Variants in PCDHGA2 observed in about 807,000 individuals in gnomAD.
The protein encoded by PCDHGA2 is protocadherin gamma subfamily A, 2.
Under a neutral mutation model 59.2 loss-of-function variants are expected in PCDHGA2, and 40 were observed. The ratio of observed to expected loss-of-function variants is 0.68; its 90% CI spans 0.52 to 0.88. The LOEUF is 0.88. Among genes scored for constraint, PCDHGA2 ranks in the 40% least tolerant of loss-of-function variants. The pLI, the probability that PCDHGA2 is intolerant of heterozygous loss-of-function variation, is 0.00. For missense variants in PCDHGA2, 1,226 were observed against 1,204.0 expected (o/e 1.02, Z -0.27); for synonymous variants, 560 against 526.0 (o/e 1.06, Z -0.89).
rs1444897635 is a variant in PCDHGA2 at position 141,366,887 on chromosome 5, A to G, written c.2424+25492A>G. ...GCTGTATTGGAGATTAATTTTTTTT[A>G]TATAATTCATGCTTTCTCCATTTGT... On this transcript the variant is annotated intron_variant, in intron 1 of 3. Coordinates refer to ENST00000394576, the MANE Select transcript of PCDHGA2 (RefSeq NM_018915.4). 3.2e-6 allele frequency: 4 copies of G among 1,269,488 alleles called. No homozygotes were observed. The South Asian group carries it at 4.6e-5, about 15-fold the overall frequency. 78.6% of individuals were successfully genotyped at this position (1,269,488 alleles called of 1,614,324 possible).
intron 2 of PCDHGA2, among the ~76,000 whole-genome samples, chr5:141,499,689 CTTTTTTT>C (rs545067566): frequency 8.3e-6 from 1 of 119,856 alleles, no homozygotes; most frequent in Non-Finnish European, 1.7e-5. Flanking sequence ...TAACAGATGA[CTTTTTTT>C]TTTTTTTTTT....
chr5:141,375,073 A>T, intron 1 of PCDHGA2: 1 of 1,614,030 alleles, frequency 6.2e-7, no homozygotes, highest in Non-Finnish European at 8.5e-7. Flanking sequence ...TTCGAGACAG[A>T]GCGAAAGTCT....
intron 1 of PCDHGA2, among the ~76,000 whole-genome samples, chr5:141,482,884 C>A (rs2099574053): frequency 6.6e-6 from 1 of 152,116 alleles, no homozygotes; most frequent in Non-Finnish European, 1.5e-5. Flanking sequence ...CCAGCCTGGC[C>A]AACATGGTGA....
intron 1 of PCDHGA2, chr5:141,478,354 C>T (rs141625672): frequency 1.2e-6 from 2 of 1,613,778 alleles, no homozygotes; most frequent in Non-Finnish European, 8.5e-7. Context: ...ACGCGGACGC[C>T]GTGCGGGGAG....
Position 141,409,934 on chromosome 5 carries a change from G to A in PCDHGA2, c.2424+68539G>A. The A allele has an allele frequency of 1.9e-6, 3 of 1,613,362 alleles. No individual in the cohort carries two copies. Among genetic ancestry groups the A allele is most frequent in the South Asian group, 2.2e-5 (2 of 91,074 alleles). On this transcript the variant is annotated intron_variant, in intron 1 of 3. Transcript: ENST00000394576. ...TGACGGCTCCGCGTTCTTCGATATG[G>A]TACCTCGCTCTGCAGAGCCCGGCTA...
At chr5:141,408,910 T>A in intron 1 of PCDHGA2, 1 of 1,613,256 alleles carries the variant, frequency 6.2e-7, no homozygotes, top group Non-Finnish European at 8.5e-7. Flanking sequence ...AGGATACCAA[T>A]GATAACCCCC....
At chr5:141,371,340 A>G in intron 1 of PCDHGA2, 2 of 1,613,980 alleles carry the variant, frequency 1.2e-6, no homozygotes, top group Non-Finnish European at 1.7e-6. Flanking sequence ...AGATAGCTAC[A>G]CAATTGGGGT....
chr5:141,474,369 G>C (rs1424130168), intron 1 of PCDHGA2, among the ~76,000 whole-genome samples: 1 of 152,184 alleles, frequency 6.6e-6, no homozygotes, highest in Non-Finnish European at 1.5e-5. Flanking sequence ...AGTAGGTCTA[G>C]AGGAGGGCAT....
intron 1 of PCDHGA2, chr5:141,400,548 T>C: frequency 6.2e-7 from 1 of 1,613,656 alleles, no homozygotes; most frequent in South Asian, 1.1e-5. Context: ...ATGTCTATTC[T>C]TTTTCATTAC....
intron 1 of PCDHGA2, chr5:141,402,966 C>T (rs749578447): frequency 6.2e-7 from 1 of 1,606,060 alleles, no homozygotes; most frequent in Non-Finnish European, 8.5e-7. Flanking sequence ...GCAGCTCCAA[C>T]CAAATGCCAG....
At chr5:141,356,306 T>A (rs754194217) in intron 1 of PCDHGA2, 1 of 1,554,168 alleles carries the variant, frequency 6.4e-7, no homozygotes, top group Non-Finnish European at 8.7e-7. Flanking sequence ...ATTGCACTTT[T>A]CAACGTGCAT....
At chr5:141,362,958 G>GA (rs1467174022) in intron 1 of PCDHGA2, among the ~76,000 whole-genome samples, 3 of 152,188 alleles carry the variant, frequency 2.0e-5, no homozygotes, top group Admixed American at 6.5e-5. Context: ...TGGAAATTGG[G>GA]AAACAAAGAA....
At chr5:141,410,739 A>G in intron 1 of PCDHGA2, 1 of 1,303,782 alleles carries the variant, frequency 7.7e-7, no homozygotes. Flanking sequence ...GCTTTTTACA[A>G]TATTTTCTCA....
Position 141,476,468 on chromosome 5 carries a change from C to T in PCDHGA2, c.2425-18339C>T. 6.2e-7 allele frequency: 1 copy of T among 1,614,132 alleles called. No homozygotes were observed. Among genetic ancestry groups the T allele is most frequent in the Non-Finnish European group, 8.5e-7 (1 of 1,180,022 alleles). On this transcript the variant is annotated intron_variant, in intron 1 of 3. Coordinates refer to ENST00000394576, the MANE Select transcript of PCDHGA2 (RefSeq NM_018915.4). The surrounding 1 kb of genome is among the most constrained non-coding windows in gnomAD (Gnocchi z 7.6). ...GTTGGTAGTGGAGAACCCGCTGGAG[C>T]TGTTCAGCGTGGAAGTGGTGATCCA...
chr5:141,418,506 A>G, intron 1 of PCDHGA2: 1 of 1,613,978 alleles, frequency 6.2e-7, no homozygotes, highest in Non-Finnish European at 8.5e-7. Flanking sequence ...ACCGCCTTAG[A>G]TGGTGGGGAC....
At chr5:141,408,428 A>C (rs1397543407) in intron 1 of PCDHGA2, 1 of 1,614,076 alleles carries the variant, frequency 6.2e-7, no homozygotes, top group South Asian at 1.1e-5. Flanking sequence ...GCTGCACTTC[A>C]GCGTAGACGC....
In PCDHGA2 at chr5:141,428,146, C is replaced by G. The variant is rs549173211; in HGVS notation, c.2425-66661C>G. The G allele has an allele frequency of 1.3e-5, 21 of 1,589,348 alleles. No individual in the cohort carries two copies. The East Asian group carries it at 4.0e-4, about 30-fold the overall frequency. Reference sequence around the variant, plus strand: ...GGGCTTTTCAGCCTGGGGCTGCACACGGGAACCTGCTGGTTGCTGTGCGTG... The same window carrying G: ...GGGCTTTTCAGCCTGGGGCTGCACAGGGGAACCTGCTGGTTGCTGTGCGTG... On this transcript the variant is annotated intron_variant, in intron 1 of 3. Transcript: ENST00000394576.
intron 2 of PCDHGA2, among the ~76,000 whole-genome samples, chr5:141,502,537 G>A (rs900570745): frequency 2.0e-5 from 3 of 152,042 alleles, no homozygotes; most frequent in Admixed American, 6.6e-5. Context: ...GTTTGTTCGT[G>A]TGGTAAAAAC....
chr5:141,486,498 T>C lies in PCDHGA2; in HGVS notation c.2425-8309T>C, dbSNP rs755907391. On this transcript the variant is annotated intron_variant, in intron 1 of 3. Coordinates refer to ENST00000394576, the MANE Select transcript of PCDHGA2 (RefSeq NM_018915.4). The surrounding 1 kb of genome is among the most constrained non-coding windows in gnomAD (Gnocchi z 5.0). The stretch of plus-strand genomic sequence containing the variant: ...CCTCTCAGTACCCACAGAACTATTT[T>C]CCTCAATATTTCAGATGTGAATGAT... 6.2e-7 allele frequency: 1 copy of C among 1,614,030 alleles called. No individual in the cohort carries two copies. The highest frequency in any genetic ancestry group is 8.5e-7 in the Non-Finnish European group (1 of 1,179,874).
Sources: allele counts gnomAD v4.1 joint callset (sites outside exome capture counted in the v4.1 genomes callset), GRCh38; gene constraint gnomAD v4.1.1; non-coding constraint Gnocchi (gnomAD v3.1); transcripts MANE v1.5; gene names NCBI Gene and HGNC (gene_info 2026-07-23, HGNC 2026-07-21).